Variants in CHIC2 observed in about 807,000 individuals in gnomAD.
CHIC2 encodes the protein cysteine-rich hydrophobic domain-containing protein 2.
In CHIC2, 14 loss-of-function variants were observed where a neutral mutation model predicts 25.9. That is an observed-to-expected ratio of 0.54 (90% confidence interval 0.36 to 0.85). CHIC2 has a LOEUF of 0.85. Among genes scored for constraint, CHIC2 ranks in the 40% least tolerant of loss-of-function variants. The pLI is 0.01. For missense variants in CHIC2, 146 were observed against 202.0 expected (o/e 0.72, Z 1.68); for synonymous variants, 70 against 72.0 (o/e 0.97, Z 0.14).
intron 3 of CHIC2, among the ~76,000 whole-genome samples, chr4:54,029,128 A>G (rs1716147097): frequency 6.6e-6 from 1 of 151,924 alleles, no homozygotes; most frequent in African/African-American, 2.4e-5. Context: ...TCTCAAAGAA[A>G]AAAAAAAAAA....
intron 3 of CHIC2, among the ~76,000 whole-genome samples, chr4:54,015,840 G>C (rs1217549668): frequency 6.6e-6 from 1 of 152,168 alleles, no homozygotes; most frequent in Non-Finnish European, 1.5e-5. Flanking sequence ...CCTGAAAAGG[G>C]CTGACCTCTC....
intron 3 of CHIC2, among the ~76,000 whole-genome samples, chr4:54,043,656 C>T (rs890452607): frequency 1.3e-5 from 2 of 152,024 alleles, no homozygotes; most frequent in African/African-American, 4.8e-5. Context: ...GAAGGAAGCA[C>T]TAAACATGGA....
chr4:54,018,468 T>C (rs1715807845), intron 3 of CHIC2, among the ~76,000 whole-genome samples: 1 of 152,114 alleles, frequency 6.6e-6, no homozygotes, highest in South Asian at 2.1e-4. Flanking sequence ...ATCTTTAAGG[T>C]ATTAATCTCC....
At chr4:54,084,920 A>G in the CHIC2 span, among the ~76,000 whole-genome samples, 1 of 146,396 alleles carries the variant, frequency 6.8e-6, no homozygotes, top group Non-Finnish European at 1.5e-5. Context: ...AGGTTTCACC[A>G]CTAAACTCCA....
intron 3 of CHIC2, among the ~76,000 whole-genome samples, chr4:54,042,736 C>T (rs1716618283): frequency 6.6e-6 from 1 of 151,064 alleles, no homozygotes; most frequent in Admixed American, 6.6e-5. Context: ...TTCTGTAGTG[C>T]AAAGGTAATC....
the CHIC2 span, chr4:54,086,912 A>G: frequency 1.6e-6 from 1 of 626,978 alleles, no homozygotes. Flanking sequence ...GTTGGTTGGA[A>G]TAAAAAGGGT....
intron 3 of CHIC2, among the ~76,000 whole-genome samples, chr4:54,042,822 G>A (rs1256403149): frequency 1.3e-5 from 2 of 152,108 alleles, no homozygotes; most frequent in Non-Finnish European, 2.9e-5. Context: ...AATATCATAA[G>A]TCATTCTATT....
chr4:54,022,396 A>C lies in CHIC2; in HGVS notation c.331-8277T>G, dbSNP rs377045542. 9.3e-4 allele frequency among the ~76,000 whole-genome samples: 141 copies of C among 152,200 alleles called. 1 individual carries two copies. The highest frequency in any genetic ancestry group is 5.4e-3 in the Admixed American group (82 of 15,276). ...AATTAATATGGAGGCTACCCACTCC[A>C]CATTACCTTATTTTCAACGACCTGT... On this transcript the variant is annotated intron_variant, in intron 3 of 5. Coordinates refer to ENST00000263921, the MANE Select transcript of CHIC2 (RefSeq NM_012110.4).
chr4:54,034,327 C>G (rs1577972405), intron 3 of CHIC2, among the ~76,000 whole-genome samples: 2 of 152,004 alleles, frequency 1.3e-5, no homozygotes, highest in South Asian at 2.1e-4. Context: ...TCGCTTGAAC[C>G]TGGGAGGCAG....
the CHIC2 span, among the ~76,000 whole-genome samples, chr4:54,082,721 T>C: frequency 1.1e-3 from 160 of 152,272 alleles, no homozygotes; most frequent in Middle Eastern, 3.4e-3. Context: ...AGTTCCACTG[T>C]CAAATAGTAA....
At chr4:54,045,578 G>A (rs1297768140) in intron 3 of CHIC2, among the ~76,000 whole-genome samples, 4 of 151,836 alleles carry the variant, frequency 2.6e-5, no homozygotes, top group African/African-American at 9.7e-5. Context: ...ATGCAGAAAA[G>A]GCCTTTGACA....
chr4:54,046,520 A>C (rs1716822633), intron 3 of CHIC2, among the ~76,000 whole-genome samples: 1 of 152,230 alleles, frequency 6.6e-6, no homozygotes, highest in Non-Finnish European at 1.5e-5. Context: ...CTGATCTTTG[A>C]CAAACCTGAC....
chr4:54,048,844 T>C (rs1367084489), intron 3 of CHIC2, 111 bp downstream of exon 3: 12 of 861,626 alleles, frequency 1.4e-5, no homozygotes. Flanking sequence ...ATTATTTTCA[T>C]ATTTTATTCA....
At chr4:54,046,871 A>C (rs1247200015) in intron 3 of CHIC2, among the ~76,000 whole-genome samples, 2 of 152,226 alleles carry the variant, frequency 1.3e-5, no homozygotes, top group African/African-American at 4.8e-5. Context: ...CAACCTACAG[A>C]ATGGGAGAAA....
rs754379059 is a variant in CHIC2 at position 54,064,339 on chromosome 4, C to T, written c.-39G>A. ...GCTCCCCTGCCCAAAGGGCCTGACT[C>T]CCGGGGTTGGCGCCGGGGTACCGGC... On this transcript the variant is annotated 5_prime_UTR_variant, in exon 1 of 6. Transcript: ENST00000263921. The surrounding 1 kb of genome is among the most constrained non-coding windows in gnomAD (Gnocchi z 4.2). The T allele has an allele frequency of 2.5e-6, 4 of 1,610,960 alleles. No individual in the cohort carries two copies. In the Admixed American group the frequency reaches 5.0e-5, roughly 20 times the overall value.
intron 3 of CHIC2, among the ~76,000 whole-genome samples, chr4:54,024,606 C>A (rs929541688): frequency 1.3e-5 from 2 of 152,028 alleles, no homozygotes; most frequent in Admixed American, 1.3e-4. Flanking sequence ...AAGGGGACTC[C>A]GTATATTTTT....
intron 1 of CHIC2, among the ~76,000 whole-genome samples, chr4:54,051,996 T>C (rs1376069405): frequency 6.6e-6 from 1 of 152,214 alleles, no homozygotes; most frequent in Non-Finnish European, 1.5e-5. Context: ...TGAAAACAAC[T>C]CTTTTCAGCA....
At chr4:54,078,870 T>C in the CHIC2 span, among the ~76,000 whole-genome samples, 5 of 152,158 alleles carry the variant, frequency 3.3e-5, no homozygotes, top group Non-Finnish European at 5.9e-5. Flanking sequence ...CATTAAATTA[T>C]ACAATCTTTG....
chr4:54,035,335 G>A (rs1716353065), intron 3 of CHIC2, among the ~76,000 whole-genome samples: 2 of 152,046 alleles, frequency 1.3e-5, no homozygotes, highest in African/African-American at 4.8e-5. Context: ...CTTAAATTTT[G>A]TAAGAATACA....
Sources: allele counts gnomAD v4.1 joint callset (sites outside exome capture counted in the v4.1 genomes callset), GRCh38; gene constraint gnomAD v4.1.1; non-coding constraint Gnocchi (gnomAD v3.1); transcripts MANE v1.5; gene names NCBI Gene and HGNC (gene_info 2026-07-23, HGNC 2026-07-21).